Variants in NTRK3 observed in about 807,000 individuals in gnomAD.
NTRK3 encodes the protein neurotrophic receptor tyrosine kinase 3.
A neutral mutation model predicts 91.7 loss-of-function variants in NTRK3; 24 were observed. The ratio of observed to expected loss-of-function variants is 0.26; its 90% CI spans 0.19 to 0.37. The LOEUF is 0.37. Among genes scored for constraint, NTRK3 ranks in the 10% least tolerant of loss-of-function variants. The pLI, the probability that NTRK3 is intolerant of heterozygous loss-of-function variation, is 1.00. For synonymous variants in NTRK3, 483 were observed against 404.0 expected, an observed-to-expected ratio of 1.20 and a Z score of -2.34; for missense variants, 880 against 1,068.9, an observed-to-expected ratio of 0.82 and a Z score of 2.46.
At chr15:88,028,427 G>A (rs2141971488) in intron 14 of NTRK3, among the ~76,000 whole-genome samples, 2 of 152,320 alleles carry the variant, frequency 1.3e-5, no homozygotes, top group Middle Eastern at 6.8e-3. Flanking sequence ...AAAGGAACAT[G>A]GTCAGGTTTT....
At chr15:87,895,090 A>G (rs1195940440) in intron 17 of NTRK3, among the ~76,000 whole-genome samples, 1 of 152,176 alleles carries the variant, frequency 6.6e-6, no homozygotes, top group Non-Finnish European at 1.5e-5. Context: ...TTGAAAGGAA[A>G]GATTCAACAC....
chr15:87,876,735 AT>A, exon 19 of NTRK3: 1 of 399,308 alleles, frequency 2.5e-6, no homozygotes, highest in South Asian at 2.7e-5. Context: ...ATATATATAT[AT>A]ATTTGCCAAA....
chr15:88,074,809 G>A (rs529385699), intron 13 of NTRK3, among the ~76,000 whole-genome samples: 10 of 152,202 alleles, frequency 6.6e-5, no homozygotes, highest in East Asian at 5.8e-4. Context: ...AAGCAACGCC[G>A]GTCCTTAAAT....
intron 5 of NTRK3, among the ~76,000 whole-genome samples, chr15:88,165,505 T>C (rs2044849388): frequency 6.6e-6 from 1 of 152,188 alleles, no homozygotes; most frequent in Non-Finnish European, 1.5e-5. Context: ...TAAGGACTTT[T>C]CCATAGTCAT....
In NTRK3 at chr15:87,864,056, CA is replaced by C. The variant is rs1314684082; in HGVS notation, c.*12878del. The C allele has an allele frequency of 8.7e-5, 20 of 230,900 alleles. No individual in the cohort carries two copies. In the East Asian group the frequency reaches 1.2e-3, roughly 14 times the overall value. The allele number at this position is 230,900 out of a possible 1,614,324, so 14.3% of individuals were successfully genotyped here. A position where few individuals can be genotyped will look rare whatever the true frequency, so the allele number is the denominator to read the frequency against. On this transcript the variant is annotated 3_prime_UTR_variant, in exon 19 of 19. Coordinates refer to ENST00000394480, the Ensembl canonical transcript of NTRK3. The stretch of plus-strand genomic sequence containing the variant: ...AAAGTAAAGTCTACCTGAGAAATAA[CA>C]TGAATCTTCCCCCAACAGTACACAA...
intron 14 of NTRK3, among the ~76,000 whole-genome samples, chr15:87,952,609 C>G (rs1028659673): frequency 6.6e-6 from 1 of 152,208 alleles, no homozygotes; most frequent in Non-Finnish European, 1.5e-5. Flanking sequence ...TCTTGGCCGC[C>G]GGCTCACCCT....
At chr15:88,118,247 T>C (rs1305672442) in intron 13 of NTRK3, among the ~76,000 whole-genome samples, 2 of 152,104 alleles carry the variant, frequency 1.3e-5, no homozygotes, top group African/African-American at 4.8e-5. Flanking sequence ...TAAACGCGGG[T>C]CTTGGGTACT....
chr15:88,081,285 G>A (rs925399410), intron 13 of NTRK3, among the ~76,000 whole-genome samples: 2 of 152,134 alleles, frequency 1.3e-5, no homozygotes, highest in Admixed American at 6.5e-5. Flanking sequence ...AGGATGGGGT[G>A]GAGTGGGACA....
intron 14 of NTRK3, among the ~76,000 whole-genome samples, chr15:87,988,200 T>A (rs566000449): frequency 4.6e-5 from 7 of 152,226 alleles, no homozygotes; most frequent in Non-Finnish European, 1.0e-4. Context: ...ACCTCTGTGG[T>A]CTTCCTTCCC....
At position 88,069,262 on chromosome 15, in the gene NTRK3, G is replaced by T. The variant is rs566083963; in HGVS notation, c.1397-36217C>A. 1.1e-3 allele frequency among the ~76,000 whole-genome samples: 164 copies of T among 152,288 alleles called. No individual in the cohort carries two copies. The South Asian group carries it at 0.016, about 15-fold the overall frequency. The stretch of plus-strand genomic sequence containing the variant: ...CCAAAGTGGCATCACCATATAAAAG[G>T]TTGTCAGAAAGGAGGCTGTATGAGC... On this transcript the variant is annotated intron_variant, in intron 13 of 18. Coordinates refer to ENST00000394480, the Ensembl canonical transcript of NTRK3.
In NTRK3 at chr15:87,940,510, C is replaced by T. The variant is rs945851578; in HGVS notation, c.1716+113G>A. The T allele has an allele frequency of 2.9e-5, 44 of 1,531,406 alleles. No individual in the cohort carries two copies. The African/African-American group carries it at 5.7e-4, about 20-fold the overall frequency. 94.9% of individuals were successfully genotyped at this position (1,531,406 alleles called of 1,614,324 possible). A position where few individuals can be genotyped will look rare whatever the true frequency, so the allele number is the denominator to read the frequency against. On this transcript the variant is annotated intron_variant, in intron 15 of 18. Transcript: ENST00000394480. ...ACCTCGGAGCAAAGTCCTTTGATTG[C>T]ATCTGAGAAAGCCAATTGAGCACTA...
intron 17 of NTRK3, among the ~76,000 whole-genome samples, chr15:87,888,272 C>G (rs1310426019): frequency 6.6e-6 from 1 of 152,164 alleles, no homozygotes; most frequent in African/African-American, 2.4e-5. Flanking sequence ...AGAAAAATGA[C>G]CACTCCTGGT....
In NTRK3 at chr15:88,076,091, C is replaced by T. The variant is rs140332729; in HGVS notation, c.1397-43046G>A. ...GCTAATAAAGACATACCTGAGACTG[C>T]GTAATTTATAAAGAAAAAGAGGTTT... On this transcript the variant is annotated intron_variant, in intron 13 of 18. Coordinates refer to ENST00000394480, the Ensembl canonical transcript of NTRK3. 9.6e-3 allele frequency among the ~76,000 whole-genome samples: 1,455 copies of T among 152,164 alleles called. 28 individuals carry two copies. The highest frequency in any genetic ancestry group is 0.033 in the African/African-American group (1,369 of 41,494).
chr15:87,971,153 G>C (rs2141273318), intron 14 of NTRK3, among the ~76,000 whole-genome samples: 1 of 152,290 alleles, frequency 6.6e-6, no homozygotes, highest in Non-Finnish European at 1.5e-5. Flanking sequence ...TCCCAAGAAG[G>C]ACATTCTCAG....
At chr15:88,089,297 A>T (rs2048794774) in intron 13 of NTRK3, among the ~76,000 whole-genome samples, 1 of 152,210 alleles carries the variant, frequency 6.6e-6, no homozygotes, top group African/African-American at 2.4e-5. Context: ...TTAATAACCA[A>T]GAGGCTTAAA....
intron 13 of NTRK3, among the ~76,000 whole-genome samples, chr15:88,043,987 T>C (rs528107937): frequency 4.6e-5 from 7 of 152,264 alleles, no homozygotes; most frequent in South Asian, 4.2e-4. Flanking sequence ...CCATGGCATA[T>C]TGTCACCCCC....
intron 3 of NTRK3, among the ~76,000 whole-genome samples, chr15:88,223,578 C>A (rs1040405888): frequency 1.3e-5 from 2 of 152,228 alleles, no homozygotes; most frequent in Non-Finnish European, 2.9e-5. Context: ...AGGCAGCATT[C>A]ACATGTCAGA....
chr15:88,069,197 T>C (rs752187196), intron 13 of NTRK3, among the ~76,000 whole-genome samples: 6 of 152,128 alleles, frequency 3.9e-5, no homozygotes, highest in African/African-American at 7.2e-5. Context: ...AAGAGATCAA[T>C]CATAACCACC....
At chr15:88,170,735 C>T (rs1223937286) in intron 5 of NTRK3, among the ~76,000 whole-genome samples, 1 of 152,130 alleles carries the variant, frequency 6.6e-6, no homozygotes, top group Non-Finnish European at 1.5e-5. Flanking sequence ...CCAACAGGCC[C>T]ACTGTAGGGT....
Sources: gnomAD v4.1 joint callset for allele counts (sites outside exome capture counted in the v4.1 genomes callset) on GRCh38, gnomAD v4.1.1 for gene constraint, MANE v1.5 for transcripts, NCBI Gene and HGNC (gene_info 2026-07-23, HGNC 2026-07-21) for gene names.